The following CCT7 variants were observed in gnomAD, a reference collection of about 807,000 sequenced individuals.
The protein encoded by CCT7 is T-complex protein 1 subunit eta.
CCT7 carries 16 observed loss-of-function variants against 56.6 expected under a neutral mutation model. The observed-to-expected ratio is 0.28, with a 90% CI of 0.19 to 0.43. The LOEUF (loss-of-function observed/expected upper bound fraction) is 0.43, where lower values mean the gene tolerates loss of function less well. Among genes scored for constraint, CCT7 ranks in the 20% least tolerant of loss-of-function variants. CCT7 has a pLI of 1.00. For missense variants in CCT7, 519 were observed against 685.6 expected, an observed-to-expected ratio of 0.76 and a Z score of 2.71; for synonymous variants, 262 against 254.8, an observed-to-expected ratio of 1.03 and a Z score of -0.27.
intron 8 of CCT7, 42 bp from the exon 9 acceptor site, chr2:73,249,777 C>T (rs775517191): frequency 4.7e-5 from 67 of 1,423,390 alleles, no homozygotes; most frequent in Non-Finnish European, 6.5e-5. Context: ...TGCCTGGCCT[C>T]GGGAACCTTC....
In CCT7 at chr2:73,239,938, C is replaced by G. The variant is rs1180679575; in HGVS notation, c.160+142C>G. The G allele has an allele frequency of 5.5e-6, 4 of 730,384 alleles. No individual in the cohort carries two copies. In the Admixed American group the frequency reaches 1.1e-4, roughly 21 times the overall value. The allele number at this position is 730,384 out of a possible 1,614,324, so 45.2% of individuals were successfully genotyped here. A position where few individuals can be genotyped will look rare whatever the true frequency, so the allele number is the denominator to read the frequency against. ...GACTCACTCTGAAGCAGTTCCAATT[C>G]TTATATTGTCCTGACTGCTGAGCCC... is the stretch of plus-strand genomic sequence containing the variant. On this transcript the variant is annotated intron_variant, in intron 2 of 11. Transcript: ENST00000258091.
At chr2:73,242,834 A>G in intron 3 of CCT7, 170 bp from the exon 4 acceptor site, 1 of 701,066 alleles carries the variant, frequency 1.4e-6, no homozygotes, top group Non-Finnish European at 2.4e-6. Context: ...TGGATATGTA[A>G]CTACCATTAG....
chr2:73,235,432 T>G (rs1686836061), intron 1 of CCT7: 1 of 367,482 alleles, frequency 2.7e-6, no homozygotes, highest in Non-Finnish European at 3.9e-6. Context: ...TTCTCTGTCC[T>G]GTTAGGGACG....
intron 10 of CCT7, 148 bp downstream of exon 10, chr2:73,250,586 G>A: frequency 2.3e-6 from 2 of 866,148 alleles, no homozygotes; most frequent in South Asian, 1.7e-5. Flanking sequence ...CCCACAAATG[G>A]TAGAGAAACT....
At position 73,236,465 on chromosome 2, in the gene CCT7, C is replaced by G. The variant is rs184935934; in HGVS notation, c.6+2081C>G. On this transcript the variant is annotated intron_variant, in intron 1 of 11. Transcript: ENST00000258091. Reference sequence around the variant, plus strand: ...AAGCAATTCTCCTGCCTCAGCCTCCCAAGTAGCTGGGATTACAGGCATACG... The same window carrying G: ...AAGCAATTCTCCTGCCTCAGCCTCCGAAGTAGCTGGGATTACAGGCATACG... Among the ~76,000 whole-genome samples, 24 of 152,202 alleles carry G rather than the reference C, an allele frequency of 1.6e-4. No homozygotes were observed. The East Asian group carries it at 4.1e-3, about 26-fold the overall frequency.
At chr2:73,251,870 C>T (rs1385281651) in intron 11 of CCT7, among the ~76,000 whole-genome samples, 1 of 151,736 alleles carries the variant, frequency 6.6e-6, no homozygotes, top group Non-Finnish European at 1.5e-5. Context: ...ACCCAGGAGG[C>T]AGAGCTTGCA....
At chr2:73,245,518 G>A (rs886947815) in intron 6 of CCT7, among the ~76,000 whole-genome samples, 5 of 152,178 alleles carry the variant, frequency 3.3e-5, no homozygotes, top group African/African-American at 4.8e-5. Context: ...CCATTTAAAT[G>A]GCAACATGTA....
At position 73,234,326 on chromosome 2, in the gene CCT7, GC is replaced by G. The variant is rs1558559135; in HGVS notation, c.-50del. On this transcript the variant is annotated 5_prime_UTR_variant, in exon 1 of 12. Transcript: ENST00000258091. The stretch of plus-strand genomic sequence containing the variant: ...GCGAGGCATTGTGGGTTGCTGGGCG[GC>G]CCGGTCTCGGAGAAGAGGGGAGAGT... 9.9e-6 allele frequency: 16 copies of G among 1,612,376 alleles called. No homozygotes were observed. Among genetic ancestry groups the G allele is most frequent in the Non-Finnish European group, 1.4e-5 (16 of 1,178,648 alleles).
At chr2:73,247,392 C>T (rs575470763) in intron 6 of CCT7, among the ~76,000 whole-genome samples, 4 of 152,092 alleles carry the variant, frequency 2.6e-5, no homozygotes, top group African/African-American at 9.6e-5. Context: ...GTTTTGCCTT[C>T]TTTGTAAACA....
At chr2:73,235,003 G>T (rs1201547294) in intron 1 of CCT7, among the ~76,000 whole-genome samples, 1 of 152,178 alleles carries the variant, frequency 6.6e-6, no homozygotes, top group Non-Finnish European at 1.5e-5. Context: ...GGTTGCTGGG[G>T]GTTGCAGCCT....
chr2:73,245,425 A>G (rs1415566813), intron 6 of CCT7, among the ~76,000 whole-genome samples: 1 of 152,236 alleles, frequency 6.6e-6, no homozygotes, highest in South Asian at 2.1e-4. Flanking sequence ...GCGCTGTCCA[A>G]TATGATAGCC....
chr2:73,235,570 G>A, intron 1 of CCT7: 1 of 1,001,956 alleles, frequency 1.0e-6, no homozygotes, highest in African/African-American at 1.7e-5. Context: ...TCTTGAAGTC[G>A]TCTTCATCTT....
intron 4 of CCT7, 93 bp downstream of exon 4, chr2:73,243,222 G>T: frequency 7.0e-7 from 1 of 1,430,088 alleles, no homozygotes; most frequent in South Asian, 1.2e-5. Flanking sequence ...TGGAGGGACT[G>T]GGGAACAGGG....
At chr2:73,250,583 A>G (rs1687536670) in intron 10 of CCT7, 145 bp downstream of exon 10, 2 of 880,638 alleles carry the variant, frequency 2.3e-6, no homozygotes, top group Non-Finnish European at 3.5e-6. Context: ...TGCCCCACAA[A>G]TGGTAGAGAA....
intron 1 of CCT7, among the ~76,000 whole-genome samples, chr2:73,237,167 T>C (rs1311095669): frequency 2.0e-5 from 3 of 152,232 alleles, no homozygotes; most frequent in African/African-American, 4.8e-5. Flanking sequence ...GAGAAAGTTA[T>C]GGGATTCCCC....
At position 73,249,834 on chromosome 2, in the gene CCT7, A is replaced by G; in HGVS notation, c.988A>G (p.Ile330Val). ...KRTMMACGGS[I>V]QTSVNALSAD... is the part of the protein sequence containing the mutation. The stretch of plus-strand genomic sequence containing the variant: ...TGCTCCCTAGGCCTGTGGAGGCTCA[A>G]TCCAGACCAGTGTGAATGCTCTGTC... The change falls in exon 9 of 12, where the codon ATC becomes GTC. Residue 330 changes from isoleucine to valine, a missense_variant. By Grantham distance (29) the Ile-to-Val change is conservative. Transcript: ENST00000258091. 1 of 1,613,448 alleles carries G rather than the reference A, an allele frequency of 6.2e-7. No individual in the cohort carries two copies. The highest frequency in any genetic ancestry group is 8.5e-7 in the Non-Finnish European group (1 of 1,179,360).
Position 73,240,582 on chromosome 2 carries a change from A to C in CCT7, c.267+39A>C, listed in dbSNP as rs755593309. The C allele has an allele frequency of 9.7e-6, 13 of 1,344,438 alleles. No homozygotes were observed. In the South Asian group the frequency reaches 1.6e-4, roughly 17 times the overall value. The allele number at this position is 1,344,438 out of a possible 1,614,324, so 83.3% of individuals were successfully genotyped here. A position where few individuals can be genotyped will look rare whatever the true frequency, so the allele number is the denominator to read the frequency against. On this transcript the variant is annotated intron_variant, in intron 3 of 11. Coordinates refer to ENST00000258091, the MANE Select transcript of CCT7 (RefSeq NM_006429.4). ...TGTGTGTTTAAATGGAGGTTGAAAC[A>C]CATGCTTGCTTGCTCCTTAGTTCTC...
At chr2:73,237,193 GT>G (rs1202196969) in intron 1 of CCT7, among the ~76,000 whole-genome samples, 1 of 152,218 alleles carries the variant, frequency 6.6e-6, no homozygotes, top group Non-Finnish European at 1.5e-5. Context: ...AGATGCCCTT[GT>G]TTATTACTGT....
At position 73,236,344 on chromosome 2, in the gene CCT7, C is replaced by CT. The variant is rs1372969989; in HGVS notation, c.6+1972dup. Among the ~76,000 whole-genome samples the CT allele has an allele frequency of 3.9e-3, 566 of 146,602 alleles. 4 individuals carry two copies. Among genetic ancestry groups the CT allele is most frequent in the African/African-American group, 0.01 (422 of 40,306 alleles). On this transcript the variant is annotated intron_variant, in intron 1 of 11. Coordinates refer to ENST00000258091, the MANE Select transcript of CCT7 (RefSeq NM_006429.4). ...CTGGAGTCTGCTCTTGTTTCTTTTT[C>CT]TTTTTTTTTTTTCCCGAGATGGAGT...
Sources: allele counts gnomAD v4.1 joint callset (sites outside exome capture counted in the v4.1 genomes callset), GRCh38; gene constraint gnomAD v4.1.1; transcripts MANE v1.5; gene names NCBI Gene and HGNC (gene_info 2026-07-23, HGNC 2026-07-21).